The following ANO10 variants were observed in gnomAD, a reference collection of about 807,000 sequenced individuals.
ANO10 encodes the protein anoctamin 10.
In ANO10, 77 loss-of-function variants were observed where a neutral mutation model predicts 74.7. That is an observed-to-expected ratio of 1.03 (90% CI 0.86 to 1.25). The LOEUF (loss-of-function observed/expected upper bound fraction) is 1.25, where lower values mean the gene tolerates loss of function less well. Ranked by LOEUF, ANO10 falls within the 50% of genes most tolerant of loss-of-function variation. The pLI is 0.00. For missense variants in ANO10, 721 were observed against 778.1 expected (o/e 0.93, Z 0.87); for synonymous variants, 279 against 284.9 (o/e 0.98, Z 0.21).
In ANO10 at chr3:43,432,578, C is replaced by A. The variant is rs748515862; in HGVS notation, c.1914+33G>T. 4 of 1,468,538 alleles carry A rather than the reference C, an allele frequency of 2.7e-6. No individual in the cohort carries two copies. The South Asian group carries it at 3.4e-5, about 12-fold the overall frequency. The allele number at this position is 1,468,538 out of a possible 1,614,324, so 91.0% of individuals were successfully genotyped here. On this transcript the variant is annotated intron_variant, in intron 12 of 12. Coordinates refer to ENST00000292246, the MANE Select transcript of ANO10 (RefSeq NM_018075.5). ...TTATTTTTCCTGTCATTTGCTAAAGCAATACATACATTTTCAGGACAGCTG... is the reference window on the plus strand; with the variant it reads ...TTATTTTTCCTGTCATTTGCTAAAGAAATACATACATTTTCAGGACAGCTG...
chr3:43,487,425 A>G (rs1282332073), intron 11 of ANO10, among the ~76,000 whole-genome samples: 4 of 151,970 alleles, frequency 2.6e-5, no homozygotes, highest in Non-Finnish European at 5.9e-5. Flanking sequence ...CTGTGAATCC[A>G]TCTGGTCCTG....
At chr3:43,611,016 G>T (rs2082790644) in intron 1 of ANO10, among the ~76,000 whole-genome samples, 1 of 152,008 alleles carries the variant, frequency 6.6e-6, no homozygotes, top group Admixed American at 6.5e-5. Flanking sequence ...TTTTTCCTTG[G>T]TTCCTGTGGC....
At chr3:43,595,748 G>C (rs1176408718) in intron 4 of ANO10, among the ~76,000 whole-genome samples, 2 of 152,178 alleles carry the variant, frequency 1.3e-5, no homozygotes, top group Non-Finnish European at 2.9e-5. Flanking sequence ...CATAGTGTTG[G>C]AAGTTCTGGC....
rs528969464 is a variant in ANO10, at chr3:43,497,326, T to C, written c.1797+52394A>G. ...TGCTTTTGTAATTAAGGAGAAAAGATAGAAAACTTTAATAGTTTACAAAAC... is the reference window on the plus strand; with the variant it reads ...TGCTTTTGTAATTAAGGAGAAAAGACAGAAAACTTTAATAGTTTACAAAAC... On this transcript the variant is annotated intron_variant, in intron 11 of 12. Coordinates refer to ENST00000292246, the MANE Select transcript of ANO10 (RefSeq NM_018075.5). Among the ~76,000 whole-genome samples the C allele has an allele frequency of 3.9e-5, 6 of 152,336 alleles. No individual in the cohort carries two copies. In the East Asian group the frequency reaches 5.8e-4, roughly 15 times the overall value.
chr3:43,651,681 A>G (rs901735293), intron 1 of ANO10, among the ~76,000 whole-genome samples: 1 of 152,156 alleles, frequency 6.6e-6, no homozygotes, highest in Admixed American at 6.6e-5. Flanking sequence ...TTTAAATGTG[A>G]AAAACATTTA....
chr3:43,395,061 TGAGAGGG>T (rs2092352229), intron 12 of ANO10, among the ~76,000 whole-genome samples: 1 of 151,976 alleles, frequency 6.6e-6, no homozygotes, highest in Non-Finnish European at 1.5e-5. Flanking sequence ...GGGACTGAGG[TGAGAGGG>T]AAGAGGGTGG....
intron 4 of ANO10, 78 bp from the exon 5 acceptor site, chr3:43,580,550 G>T: frequency 1.3e-6 from 2 of 1,571,020 alleles, no homozygotes; most frequent in Non-Finnish European, 8.7e-7. Context: ...ATACTATAAG[G>T]ACACTCCACA....
At chr3:43,686,800 T>C (rs563068414) in intron 1 of ANO10, among the ~76,000 whole-genome samples, 2 of 152,188 alleles carry the variant, frequency 1.3e-5, no homozygotes, top group South Asian at 2.1e-4. Flanking sequence ...TACAGAATGT[T>C]CTAACAGACA....
At chr3:43,538,273 T>C (rs17075792) in intron 11 of ANO10, among the ~76,000 whole-genome samples, 5,134 of 152,228 alleles carry the variant, frequency 0.034, 186 homozygotes, top group Admixed American at 0.1. Context: ...TTGAACAGGG[T>C]CTACACATTG....
At chr3:43,661,018 G>A (rs2083919444) in intron 1 of ANO10, among the ~76,000 whole-genome samples, 1 of 152,150 alleles carries the variant, frequency 6.6e-6, no homozygotes, top group South Asian at 2.1e-4. Flanking sequence ...AACCTAGCAA[G>A]GCAGGCCAAT....
At chr3:43,559,038 T>C (rs191705686) in intron 9 of ANO10, among the ~76,000 whole-genome samples, 1 of 152,374 alleles carries the variant, frequency 6.6e-6, no homozygotes, top group Admixed American at 6.5e-5. Flanking sequence ...GATTCTGAAT[T>C]GGGAAGGCAA....
Position 43,574,922 on chromosome 3 carries a change from T to C in ANO10, c.1163-58A>G, listed in dbSNP as rs2080925082. 4 of 1,456,090 alleles carry C rather than the reference T, an allele frequency of 2.7e-6. No individual in the cohort carries two copies. The South Asian group carries it at 3.4e-5, about 12-fold the overall frequency. The allele number at this position is 1,456,090 out of a possible 1,614,324, so 90.2% of individuals were successfully genotyped here. A position where few individuals can be genotyped will look rare whatever the true frequency, so the allele number is the denominator to read the frequency against. On this transcript the variant is annotated intron_variant, in intron 6 of 12. Coordinates refer to ENST00000292246, the MANE Select transcript of ANO10 (RefSeq NM_018075.5). ...GTAAGAAAACAATACGAAAGCACTG[T>C]TATGAGGTAAAGTGAGTTGCATTGA...
intron 11 of ANO10, among the ~76,000 whole-genome samples, chr3:43,476,127 G>A: frequency 6.6e-6 from 1 of 151,938 alleles, no homozygotes; most frequent in East Asian, 1.9e-4. Context: ...ATGTTAACTA[G>A]TTTTACAGTA....
At chr3:43,567,351 C>T (rs975039867) in intron 7 of ANO10, among the ~76,000 whole-genome samples, 9 of 151,838 alleles carry the variant, frequency 5.9e-5, no homozygotes, top group East Asian at 1.9e-4. Flanking sequence ...AGATACTCCT[C>T]GAGAAGAGCA....
chr3:43,504,790 T>C (rs949196083), intron 11 of ANO10, among the ~76,000 whole-genome samples: 1 of 152,054 alleles, frequency 6.6e-6, no homozygotes, highest in African/African-American at 2.4e-5. Context: ...TACAGGCACA[T>C]GCCACCATGC....
intron 11 of ANO10, chr3:43,485,802 G>A (rs73832606): frequency 0.014 from 3,734 of 274,114 alleles, 149 homozygotes; most frequent in African/African-American, 0.081. Flanking sequence ...ATGTGGTAGT[G>A]GGGCAGTGTG....
At chr3:43,560,718 A>G (rs183605947) in intron 9 of ANO10, among the ~76,000 whole-genome samples, 31 of 152,344 alleles carry the variant, frequency 2.0e-4, no homozygotes, top group African/African-American at 7.0e-4. Flanking sequence ...GTAGTTCCTA[A>G]AAGTAATTCA....
chr3:43,677,748 A>C (rs1031323151), intron 1 of ANO10, among the ~76,000 whole-genome samples: 1 of 152,222 alleles, frequency 6.6e-6, no homozygotes, highest in African/African-American at 2.4e-5. Flanking sequence ...CATGGCTAGC[A>C]AGGCTTCCTT....
At chr3:43,570,144 T>C (rs1426864513) in intron 7 of ANO10, among the ~76,000 whole-genome samples, 1 of 141,542 alleles carries the variant, frequency 7.1e-6, no homozygotes, top group East Asian at 2.1e-4. Context: ...AAGGACCTCT[T>C]CAAGGAGAAC....
Sources: allele counts gnomAD v4.1 joint callset (sites outside exome capture counted in the v4.1 genomes callset), GRCh38; gene constraint gnomAD v4.1.1; transcripts MANE v1.5; gene names NCBI Gene and HGNC (gene_info 2026-07-23, HGNC 2026-07-21).